The following PKHD1 variants were observed in gnomAD, a reference collection of about 807,000 sequenced individuals.
PKHD1 encodes PKHD1 ciliary IPT domain containing fibrocystin/polyductin, also known as fibrocystin.
In PKHD1, 291 loss-of-function variants were observed where a neutral mutation model predicts 412.0. The ratio of observed to expected loss-of-function variants is 0.71; its 90% CI spans 0.64 to 0.78. The LOEUF is 0.78. Among genes scored for constraint, PKHD1 ranks in the 30% least tolerant of loss-of-function variants. PKHD1 has a pLI of 0.00. For synonymous variants in PKHD1, 1,777 were observed against 1,821.5 expected, an observed-to-expected ratio of 0.98 and a Z score of 0.62; for missense variants, 4,825 against 4,950.7, an observed-to-expected ratio of 0.97 and a Z score of 0.76.
chr6:52,027,980 A>G, intron 30 of PKHD1, 84 bp from the exon 31 acceptor site: 1 of 1,226,550 alleles, frequency 8.2e-7, no homozygotes, highest in South Asian at 1.2e-5. Flanking sequence ...ATGTATTTTG[A>G]GGAGAAGAGC....
At chr6:51,937,120 C>A (rs1417569449) in intron 36 of PKHD1, among the ~76,000 whole-genome samples, 2 of 152,188 alleles carry the variant, frequency 1.3e-5, no homozygotes, top group Non-Finnish European at 2.9e-5. Context: ...CTTATCTTAA[C>A]CCAGACACTC....
intron 36 of PKHD1, among the ~76,000 whole-genome samples, chr6:51,948,228 A>G (rs189734795): frequency 3.0e-4 from 46 of 152,192 alleles, no homozygotes; most frequent in African/African-American, 1.1e-3. Context: ...CAGTGTTGTC[A>G]TTCCTTCTTT....
rs1253376188 is a variant in PKHD1, at chr6:52,015,961, C to T, written c.5600+1449G>A. Among the ~76,000 whole-genome samples the T allele has an allele frequency of 3.3e-5, 5 of 152,246 alleles. No individual in the cohort carries two copies. In the South Asian group the frequency reaches 6.2e-4, roughly 19 times the overall value. ...CTGAGGCTCAGTTGCTTCAGCCATCCCATACAATGAAGAGGAAGAGCATGG... is the reference window on the plus strand; with the variant it reads ...CTGAGGCTCAGTTGCTTCAGCCATCTCATACAATGAAGAGGAAGAGCATGG... On this transcript the variant is annotated intron_variant, in intron 34 of 66. Transcript: ENST00000371117.
intron 35 of PKHD1, among the ~76,000 whole-genome samples, chr6:52,003,874 AC>A (rs923316720): frequency 3.3e-5 from 5 of 152,180 alleles, no homozygotes; most frequent in African/African-American, 1.2e-4. Context: ...GGAAATTTCT[AC>A]CAAAAAAACC....
chr6:51,979,550 T>TC (rs1365570368), intron 35 of PKHD1, among the ~76,000 whole-genome samples: 1 of 151,166 alleles, frequency 6.6e-6, no homozygotes, highest in Admixed American at 6.6e-5. Flanking sequence ...TCCCTCTCTC[T>TC]CTCCTCCTCC....
chr6:51,844,603 G>A (rs1208950165), intron 50 of PKHD1, among the ~76,000 whole-genome samples: 1 of 152,136 alleles, frequency 6.6e-6, no homozygotes, highest in Non-Finnish European at 1.5e-5. Flanking sequence ...CACTCAGCTG[G>A]GTTGAAGATG....
intron 55 of PKHD1, among the ~76,000 whole-genome samples, chr6:51,769,729 T>A (rs1789731996): frequency 6.6e-6 from 1 of 151,390 alleles, no homozygotes; most frequent in Admixed American, 6.6e-5. Context: ...TTGTTTAGAA[T>A]AACTGTCAAT....
intron 34 of PKHD1, among the ~76,000 whole-genome samples, chr6:52,014,376 C>A (rs532520494): frequency 3.7e-4 from 57 of 152,316 alleles, no homozygotes; most frequent in Admixed American, 1.4e-3. Context: ...TGTTTATTAT[C>A]TGACTTTCTT....
Position 51,627,061 on chromosome 6 carries a change from G to T in PKHD1, c.11721C>A (p.Ile3907=). 1 of 1,610,044 alleles carries T rather than the reference G, an allele frequency of 6.2e-7. No individual in the cohort carries two copies. The highest frequency in any genetic ancestry group is 8.5e-7 in the Non-Finnish European group (1 of 1,176,436). The change falls in exon 66 of 67, where the codon ATC becomes ATA. Residue 3907 remains isoleucine, a synonymous_variant. Coordinates refer to ENST00000371117, the MANE Select transcript of PKHD1 (RefSeq NM_138694.4). ...ATTCTCGGCGTTTGGATGAGATGTG[G>T]ATATGAATATTTTGATTATTAGTCT... ...ESQTNNQNIH[I]HISSKRRESQ...
chr6:51,644,131 T>C (rs1010861398), intron 63 of PKHD1, among the ~76,000 whole-genome samples: 1 of 152,110 alleles, frequency 6.6e-6, no homozygotes, highest in East Asian at 1.9e-4. Context: ...AGGGGATAAT[T>C]TCATTTTCTG....
At chr6:51,915,326 T>C (rs1368749461) in intron 37 of PKHD1, among the ~76,000 whole-genome samples, 3 of 152,120 alleles carry the variant, frequency 2.0e-5, no homozygotes, top group Non-Finnish European at 2.9e-5. Context: ...AAACCCTGTA[T>C]ATAATCTGTC....
chr6:51,755,306 C>A (rs985913439), intron 55 of PKHD1, among the ~76,000 whole-genome samples: 1 of 152,142 alleles, frequency 6.6e-6, no homozygotes, highest in Non-Finnish European at 1.5e-5. Flanking sequence ...AAGAACTTTT[C>A]TCTAATTTTC....
At chr6:51,819,605 A>T (rs2151444334) in intron 52 of PKHD1, among the ~76,000 whole-genome samples, 1 of 152,296 alleles carries the variant, frequency 6.6e-6, no homozygotes, top group South Asian at 2.1e-4. Flanking sequence ...CTATCTCCCC[A>T]GCTAGGCAGT....
At chr6:51,910,255 A>G (rs942438953) in intron 39 of PKHD1, among the ~76,000 whole-genome samples, 2 of 152,124 alleles carry the variant, frequency 1.3e-5, no homozygotes, top group Admixed American at 1.3e-4. Context: ...TAATCTGGAG[A>G]ATAAATCATC....
At chr6:52,015,941 G>C (rs1800470524) in intron 34 of PKHD1, among the ~76,000 whole-genome samples, 1 of 152,170 alleles carries the variant, frequency 6.6e-6, no homozygotes, top group Non-Finnish European at 1.5e-5. Flanking sequence ...GCGTTCTGAG[G>C]CTCAGTTGCT....
intron 60 of PKHD1, among the ~76,000 whole-genome samples, chr6:51,664,200 G>T (rs2150444925): frequency 6.6e-6 from 1 of 152,038 alleles, no homozygotes; most frequent in East Asian, 1.9e-4. Flanking sequence ...TGTCATAAAG[G>T]CTGGTCACCC....
intron 63 of PKHD1, among the ~76,000 whole-genome samples, chr6:51,647,243 G>A (rs139059951): frequency 1.1e-4 from 17 of 152,160 alleles, no homozygotes; most frequent in African/African-American, 1.4e-4. Context: ...GTATTTCAAC[G>A]GTTTTGTGTG....
chr6:51,953,678 A>G (rs933264851), intron 36 of PKHD1, among the ~76,000 whole-genome samples: 8 of 152,082 alleles, frequency 5.3e-5, no homozygotes, highest in Admixed American at 1.3e-4. Context: ...AAGGAATTCT[A>G]CAATGAACCT....
chr6:51,760,811 G>A (rs1787872202), intron 55 of PKHD1, among the ~76,000 whole-genome samples: 1 of 152,034 alleles, frequency 6.6e-6, no homozygotes, highest in African/African-American at 2.4e-5. Context: ...AAAAGGATGA[G>A]GTAACAAATG....
Sources: allele counts gnomAD v4.1 joint callset (sites outside exome capture counted in the v4.1 genomes callset), GRCh38; gene constraint gnomAD v4.1.1; transcripts MANE v1.5; gene names NCBI Gene and HGNC (gene_info 2026-07-23, HGNC 2026-07-21).